Variants in MALRD1 observed in about 807,000 individuals in gnomAD.
MALRD1 encodes MAM and LDL-receptor class A domain-containing protein 1.
Under a neutral mutation model 242.1 loss-of-function variants are expected in MALRD1, and 247 were observed. The ratio of observed to expected loss-of-function variants is 1.02; its 90% confidence interval spans 0.92 to 1.13. The LOEUF (loss-of-function observed/expected upper bound fraction) is 1.13. Among genes scored for constraint, MALRD1 ranks in the 50% most tolerant of loss-of-function variants. The probability of loss-of-function intolerance (pLI) is 0.00; values close to 1 mark genes in which losing one functional copy is unlikely to be tolerated. For missense variants in MALRD1, 2,989 were observed against 2,533.1 expected, an observed-to-expected ratio of 1.18 and a Z score of -3.86; for synonymous variants, 995 against 866.6, an observed-to-expected ratio of 1.15 and a Z score of -2.60.
chr10:19,213,887 C>T (rs936406852), intron 18 of MALRD1, among the ~76,000 whole-genome samples: 4 of 152,112 alleles, frequency 2.6e-5, no homozygotes, highest in African/African-American at 9.7e-5. Flanking sequence ...GACCAGTTCT[C>T]ATTTTAGAGC....
At chr10:19,381,956 T>A (rs1404224238) in intron 26 of MALRD1, among the ~76,000 whole-genome samples, 1 of 152,170 alleles carries the variant, frequency 6.6e-6, no homozygotes, top group East Asian at 1.9e-4. Flanking sequence ...TTCTGTGGTA[T>A]GTATTAAAAC....
At chr10:19,607,997 G>T (rs2131592761) in intron 35 of MALRD1, 95 bp downstream of exon 35, 2 of 1,423,334 alleles carry the variant, frequency 1.4e-6, no homozygotes, top group African/African-American at 1.4e-5. Context: ...CTAAACAATG[G>T]CAAGCATGGA....
intron 38 of MALRD1, among the ~76,000 whole-genome samples, chr10:19,708,339 T>C (rs1833957186): frequency 1.1e-5 from 1 of 93,352 alleles, no homozygotes; most frequent in Admixed American, 1.2e-4. Context: ...TTTTTCTTTT[T>C]CTTTTTTTTT....
chr10:19,493,665 T>G (rs1837589468), intron 30 of MALRD1, among the ~76,000 whole-genome samples: 1 of 139,002 alleles, frequency 7.2e-6, no homozygotes, highest in Non-Finnish European at 1.6e-5. Context: ...AAAAAAAAAA[T>G]TAGCCGTTCC....
At chr10:19,494,707 A>G (rs1190301707) in intron 30 of MALRD1, among the ~76,000 whole-genome samples, 1 of 152,292 alleles carries the variant, frequency 6.6e-6, no homozygotes, top group East Asian at 1.9e-4. Context: ...TTACTGAAAA[A>G]ACATAGACAA....
intron 18 of MALRD1, among the ~76,000 whole-genome samples, chr10:19,246,011 A>T (rs935771840): frequency 2.6e-5 from 4 of 152,180 alleles, no homozygotes; most frequent in African/African-American, 9.6e-5. Context: ...ATTATAAAAA[A>T]CGATGATGTG....
intron 29 of MALRD1, among the ~76,000 whole-genome samples, chr10:19,458,624 T>C (rs1355373005): frequency 6.6e-6 from 1 of 152,164 alleles, no homozygotes; most frequent in Admixed American, 6.5e-5. Context: ...GTTTCCCTTT[T>C]AGTTAAACGG....
intron 21 of MALRD1, among the ~76,000 whole-genome samples, chr10:19,320,060 T>TC: frequency 1.3e-5 from 2 of 149,790 alleles, no homozygotes; most frequent in Admixed American, 6.7e-5. Flanking sequence ...TTTTTTTTTT[T>TC]TTTCAAATTT....
intron 36 of MALRD1, among the ~76,000 whole-genome samples, chr10:19,635,152 C>T (rs1280102674): frequency 6.6e-6 from 1 of 152,034 alleles, no homozygotes; most frequent in Admixed American, 6.6e-5. Context: ...GGAAGAAAAC[C>T]TAAGGAAAGT....
intron 36 of MALRD1, among the ~76,000 whole-genome samples, chr10:19,637,665 A>G (rs1840199830): frequency 6.6e-6 from 1 of 151,834 alleles, no homozygotes; most frequent in Non-Finnish European, 1.5e-5. Context: ...ATCCAGCCAC[A>G]TGACTTGGTG....
intron 25 of MALRD1, among the ~76,000 whole-genome samples, chr10:19,348,343 AG>A (rs1351385275): frequency 6.6e-6 from 1 of 152,182 alleles, no homozygotes; most frequent in African/African-American, 2.4e-5. Context: ...TAAGAAGCTT[AG>A]TACTTATTAA....
chr10:19,171,650 ATATATGTC>A (rs1452770170), intron 13 of MALRD1, among the ~76,000 whole-genome samples: 3 of 117,452 alleles, frequency 2.6e-5, no homozygotes, highest in Non-Finnish European at 3.6e-5. Context: ...ACACACACAT[ATATATGTC>A]TATGTGTGTA....
chr10:19,452,379 A>T (rs1270930744), intron 29 of MALRD1, among the ~76,000 whole-genome samples: 4 of 152,230 alleles, frequency 2.6e-5, no homozygotes, highest in Non-Finnish European at 5.9e-5. Context: ...CACTTGGCTT[A>T]CTAAGTTATA....
chr10:19,632,924 A>AGAAATGT (rs1564501391), intron 36 of MALRD1, among the ~76,000 whole-genome samples: 4 of 152,076 alleles, frequency 2.6e-5, no homozygotes, highest in Non-Finnish European at 5.9e-5. Context: ...GTGTTGAGAG[A>AGAAATGT]GAAATGTGAA....
At chr10:19,599,239 C>G (rs1168029353) in intron 34 of MALRD1, among the ~76,000 whole-genome samples, 1 of 152,068 alleles carries the variant, frequency 6.6e-6, no homozygotes, top group Admixed American at 6.6e-5. Flanking sequence ...CAATTTTAGA[C>G]AGGGAAATCG....
chr10:19,110,563 C>CA (rs1836642348), intron 5 of MALRD1, among the ~76,000 whole-genome samples: 1 of 152,138 alleles, frequency 6.6e-6, no homozygotes, highest in Non-Finnish European at 1.5e-5. Flanking sequence ...TTGGACTTAT[C>CA]AAAAGGGATG....
intron 31 of MALRD1, among the ~76,000 whole-genome samples, chr10:19,499,240 CAA>C (rs1837857049): frequency 6.6e-6 from 1 of 151,936 alleles, no homozygotes; most frequent in Admixed American, 6.6e-5. Flanking sequence ...TTTACTCTTA[CAA>C]AAAAGTCCTA....
In MALRD1 at chr10:19,450,371, A is replaced by T. The variant is rs1392210410; in HGVS notation, c.4910A>T (p.Lys1637Met). Residue 1637 changes from lysine (K) to methionine (M), a missense_variant, in exon 29 of 40, where the codon AAG becomes ATG. By Grantham distance (95) the Lys-to-Met change is moderately conservative (BLOSUM62 -1). Coordinates refer to ENST00000454679, the MANE Select transcript of MALRD1 (RefSeq NM_001142308.3). ...SKQNPGNHWQKADILLGKLRN... is the reference protein window; with the variant it reads ...SKQNPGNHWQMADILLGKLRN... Reference sequence around the variant, plus strand: ...CAGAACCCTGGTAATCATTGGCAAAAGGCTGACATCCTGCTAGGAAAGTTA... The same window carrying T: ...CAGAACCCTGGTAATCATTGGCAAATGGCTGACATCCTGCTAGGAAAGTTA... The T allele has an allele frequency of 3.9e-6, 6 of 1,550,096 alleles. 1 individual carries two copies. In the Admixed American group the frequency reaches 1.2e-4, roughly 30 times the overall value.
chr10:19,441,535 C>A (rs191707370), intron 28 of MALRD1, among the ~76,000 whole-genome samples: 2 of 152,240 alleles, frequency 1.3e-5, no homozygotes, highest in African/African-American at 4.8e-5. Flanking sequence ...TGAGGAAGGG[C>A]TCCACTTTCA....
Sources: allele counts gnomAD v4.1 joint callset (sites outside exome capture counted in the v4.1 genomes callset), GRCh38; gene constraint gnomAD v4.1.1; transcripts MANE v1.5; gene names NCBI Gene and HGNC (gene_info 2026-07-23, HGNC 2026-07-21).